AXIN2: variants seen among roughly 807,000 people sequenced by gnomAD.
AXIN2 encodes axin 2.
In AXIN2, 21 loss-of-function variants were observed where a neutral mutation model predicts 74.7. The ratio of observed to expected loss-of-function variants is 0.28; its 90% confidence interval spans 0.20 to 0.40. The LOEUF is 0.40. AXIN2 is among the 10% of genes least tolerant of loss of function. The pLI is 1.00. For missense variants in AXIN2, 1,144 were observed against 1,111.1 expected, an observed-to-expected ratio of 1.03 and a Z score of -0.42; for synonymous variants, 532 against 454.9, an observed-to-expected ratio of 1.17 and a Z score of -2.16.
At chr17:65,534,122 A>T in intron 9 of AXIN2, 43 bp from the exon 10 acceptor site, 1 of 1,610,588 alleles carries the variant, frequency 6.2e-7, no homozygotes, top group Non-Finnish European at 8.5e-7. Flanking sequence ...ATTTTAAAGC[A>T]GACACACATC....
Position 65,538,287 on chromosome 17 carries a change from A to G in AXIN2, c.1116T>C (p.Ala372=). The G allele has an allele frequency of 1.2e-6, 2 of 1,614,188 alleles. No homozygotes were observed. Among genetic ancestry groups the G allele is most frequent in the Non-Finnish European group, 1.7e-6 (2 of 1,180,024 alleles). ...GCTTTTCCAGCCTCGAGATCAGCTC[A>G]GCTGCAAAGGTGGCGGGTTCCACGG... ...MTPVEPATFA[A]ELISRLEKLK... is the part of the protein sequence containing the mutation. The change falls in exon 5 of 11, where the codon GCT becomes GCC. Residue 372 remains alanine (A), a synonymous_variant. Coordinates refer to ENST00000307078, the MANE Select transcript of AXIN2 (RefSeq NM_004655.4).
chr17:65,538,023 C>G (rs1188365803), intron 5 of AXIN2, 180 bp downstream of exon 5: 3 of 1,345,880 alleles, frequency 2.2e-6, no homozygotes, highest in Admixed American at 4.0e-5. Flanking sequence ...CACACCCACA[C>G]GCAACCCATG....
chr17:65,544,726 G>GC (rs2044093782), intron 3 of AXIN2, among the ~76,000 whole-genome samples: 3 of 152,170 alleles, frequency 2.0e-5, no homozygotes. Context: ...CGAGCCTGCT[G>GC]CCGGGCCCAG....
At chr17:65,530,189 G>A in intron 10 of AXIN2, 87 bp from the exon 11 acceptor site, 2 of 1,568,890 alleles carry the variant, frequency 1.3e-6, no homozygotes, top group African/African-American at 1.3e-5. Flanking sequence ...GAGGACTGAG[G>A]TATCCTAGGA....
chr17:65,558,858 T>TCAAGCAACCCAGCTATCTGCGAGGTG, intron 1 of AXIN2, 122 bp from the exon 2 acceptor site: 1 of 559,442 alleles, frequency 1.8e-6, no homozygotes, highest in Non-Finnish European at 3.2e-6. Flanking sequence ...CAAATTCAAA[T>TCAAGCAACCCAGCTATCTGCGAGGTG]CAAGCAACCC....
At position 65,558,297 on chromosome 17, in the gene AXIN2, T is replaced by C. The variant is rs1060504479; in HGVS notation, c.324A>G (p.Leu108=). Residue 108 remains leucine (L), a synonymous_variant, in exon 2 of 11, where the codon TTA becomes TTG. Transcript: ENST00000307078. ...FLEREKCVDT[L]DFWFACNGFR... is the part of the protein sequence containing the mutation. ...ATCCATTGCAGGCAAACCAGAAGTC[T>C]AAGGTATCCACGCATTTCTCCCTCT... The C allele has an allele frequency of 2.5e-6, 4 of 1,614,180 alleles. No homozygotes were observed. Among genetic ancestry groups the C allele is most frequent in the Middle Eastern group, 1.6e-4 (1 of 6,062 alleles).
chr17:65,543,049 A>G (rs184154654), intron 3 of AXIN2, among the ~76,000 whole-genome samples: 23 of 152,350 alleles, frequency 1.5e-4, no homozygotes, highest in African/African-American at 4.8e-4. Flanking sequence ...GACAATGAAG[A>G]TTCCAATAGA....
chr17:65,533,182 C>G (rs1442988714), intron 10 of AXIN2, among the ~76,000 whole-genome samples: 1 of 152,230 alleles, frequency 6.6e-6, no homozygotes, highest in Admixed American at 6.5e-5. Context: ...TCCGTCCACT[C>G]TGCAGACAAG....
At chr17:65,533,211 T>C (rs971970026) in intron 10 of AXIN2, among the ~76,000 whole-genome samples, 1 of 152,174 alleles carries the variant, frequency 6.6e-6, no homozygotes, top group Admixed American at 6.5e-5. Flanking sequence ...ACCAGGAAGT[T>C]CCCTTCCTGA....
At chr17:65,539,333 C>T (rs1415986140) in intron 4 of AXIN2, among the ~76,000 whole-genome samples, 1 of 152,192 alleles carries the variant, frequency 6.6e-6, no homozygotes, top group Non-Finnish European at 1.5e-5. Context: ...CTTGCCACGG[C>T]AACCACTTAG....
chr17:65,537,919 C>G (rs1050461631), intron 5 of AXIN2, 84 bp from the exon 6 acceptor site: 90 of 1,169,532 alleles, frequency 7.7e-5, no homozygotes, highest in Non-Finnish European at 1.0e-4. Flanking sequence ...CGGCTCCCTA[C>G]GCAGGAGCAC....
intron 5 of AXIN2, 75 bp from the exon 6 acceptor site, chr17:65,537,910 G>A: frequency 1.4e-6 from 2 of 1,477,314 alleles, no homozygotes; most frequent in Non-Finnish European, 9.0e-7. Flanking sequence ...TGCAACATTC[G>A]GCTCCCTACG....
At chr17:65,554,304 T>C (rs1348157452) in intron 2 of AXIN2, among the ~76,000 whole-genome samples, 1 of 152,158 alleles carries the variant, frequency 6.6e-6, no homozygotes, top group Non-Finnish European at 1.5e-5. Context: ...ACTTCAAAAG[T>C]ATATGCTTCT....
Position 65,558,717 on chromosome 17 carries a change from G to A in AXIN2, c.-97C>T, listed in dbSNP as rs2044315759. 8.0e-7 allele frequency: 1 copy of A among 1,255,536 alleles called. No homozygotes were observed. Among genetic ancestry groups the A allele is most frequent in the Non-Finnish European group, 1.1e-6 (1 of 891,798 alleles). The allele number at this position is 1,255,536 out of a possible 1,614,324, so 77.8% of individuals were successfully genotyped here. On this transcript the variant is annotated 5_prime_UTR_variant, in exon 2 of 11. Transcript: ENST00000307078. Reference sequence around the variant, plus strand: ...TCTCTGTCTCTCTCAAGTCAGCAGGGGCTCATCTGAACCTCCTCTCTGGAA... The same window carrying A: ...TCTCTGTCTCTCTCAAGTCAGCAGGAGCTCATCTGAACCTCCTCTCTGGAA...
intron 2 of AXIN2, among the ~76,000 whole-genome samples, chr17:65,556,337 G>A (rs1335253967): frequency 2.0e-5 from 3 of 152,140 alleles, no homozygotes; most frequent in East Asian, 3.9e-4. Context: ...GGAGGCCAGC[G>A]CCAGAGGCTT....
At position 65,537,555 on chromosome 17, in the gene AXIN2, G is replaced by C. The variant is rs730881396; in HGVS notation, c.1481C>G (p.Pro494Arg). Residue 494 changes from proline (P) to arginine (R), a missense_variant, in exon 6 of 11, where the codon CCG becomes CGG. Physicochemically the swap from Pro to Arg is moderately radical, Grantham distance 103. Around this residue, in one of 4 missense-constraint regions of AXIN2, gnomAD observed 1,053 missense variants for 973.5 expected, o/e 1.08. Transcript: ENST00000307078. Reference sequence around the variant, plus strand: ...GCCCCCGAGGAGGGGGCAGGCGCCCGGCGAGGCGGCCGCGGGAGGCAGCTT... The same window carrying C: ...GCCCCCGAGGAGGGGGCAGGCGCCCCGCGAGGCGGCCGCGGGAGGCAGCTT... ...GGKLPPAAAS[P>R]GACPLLGGKG... 2 of 1,612,186 alleles carry C rather than the reference G, an allele frequency of 1.2e-6. No homozygotes were observed. Among genetic ancestry groups the C allele is most frequent in the Admixed American group, 3.3e-5 (2 of 59,900 alleles).
intron 2 of AXIN2, among the ~76,000 whole-genome samples, chr17:65,551,483 G>C (rs778621978): frequency 6.6e-6 from 1 of 152,150 alleles, no homozygotes; most frequent in Non-Finnish European, 1.5e-5. Context: ...CCAGGGGACC[G>C]GCAGGGAGAA....
rs529954883 is a variant in AXIN2, at chr17:65,557,992, A to G, written c.629T>C (p.Met210Thr). The change falls in exon 2 of 11, where the codon ATG (methionine) becomes ACG (threonine). Residue 210 changes from methionine (M) to threonine (T), a missense_variant. Transcript: ENST00000307078. ...VRSGGENTAYMSNGGLGSLKV... is the reference protein window; with the variant it reads ...VRSGGENTAYTSNGGLGSLKV... ...TAGGCTCCCGAGTCCCCCATTACTC[A>G]TGTAAGCTGTGTTTTCTCCCCCACT... 2.2e-4 allele frequency: 353 copies of G among 1,614,172 alleles called. 4 individuals carry two copies. The South Asian group carries it at 3.7e-3, about 17-fold the overall frequency.
At position 65,536,469 on chromosome 17, in the gene AXIN2, C is replaced by A. The variant is rs776430866; in HGVS notation, c.1992G>T (p.Gly664=). Residue 664 remains glycine (G), a synonymous_variant, in exon 8 of 11, where the codon GGG becomes GGT. Coordinates refer to ENST00000307078, the MANE Select transcript of AXIN2 (RefSeq NM_004655.4). The part of the protein sequence containing the change: ...GERASRHHLW[G]GNSGHPRTTP... ...TGGTGCGGGGGTGCCCGCTGTTGCCCCCCCACAGATGGTGCCGGCTGGCTC... is the reference window on the plus strand; with the variant it reads ...TGGTGCGGGGGTGCCCGCTGTTGCCACCCCACAGATGGTGCCGGCTGGCTC... 2 of 1,613,786 alleles carry A rather than the reference C, an allele frequency of 1.2e-6. No homozygotes were observed. The highest frequency in any genetic ancestry group is 1.7e-6 in the Non-Finnish European group (2 of 1,180,020).
Sources: allele counts gnomAD v4.1 joint callset (sites outside exome capture counted in the v4.1 genomes callset), GRCh38; gene constraint gnomAD v4.1.1; regional missense constraint gnomAD v4.1.1; transcripts MANE v1.5; gene names NCBI Gene and HGNC (gene_info 2026-07-23, HGNC 2026-07-21).